The following MAP3K5 variants were observed in gnomAD, a reference collection of about 807,000 sequenced individuals.
The protein encoded by MAP3K5 is ASK-1.
In MAP3K5, 56 loss-of-function variants were observed where a neutral mutation model predicts 158.7. That is an observed-to-expected ratio of 0.35 (90% CI 0.28 to 0.44). MAP3K5 has a LOEUF of 0.44. Ranked by LOEUF, MAP3K5 falls within the 20% of genes least tolerant of loss-of-function variation. The probability of loss-of-function intolerance (pLI) is 1.00; values close to 1 mark genes in which losing one functional copy is unlikely to be tolerated. For synonymous variants in MAP3K5, 579 were observed against 601.7 expected (o/e 0.96, Z 0.55); for missense variants, 1,294 against 1,674.8 (o/e 0.77, Z 3.97).
intron 1 of MAP3K5, among the ~76,000 whole-genome samples, chr6:136,745,841 T>C (rs1299669754): frequency 6.6e-6 from 1 of 152,210 alleles, no homozygotes; most frequent in Non-Finnish European, 1.5e-5. Context: ...TTAATCTAGA[T>C]AATTCCGAGG....
chr6:136,650,805 A>C (rs535947152), intron 11 of MAP3K5, among the ~76,000 whole-genome samples, 179 bp downstream of exon 11: 12 of 152,348 alleles, frequency 7.9e-5, no homozygotes, highest in African/African-American at 2.4e-4. Context: ...AATACTGATA[A>C]AAATTCATAA....
intron 11 of MAP3K5, among the ~76,000 whole-genome samples, chr6:136,644,563 C>T (rs1778152863): frequency 6.6e-6 from 1 of 152,248 alleles, no homozygotes. Flanking sequence ...GAAGTTAATA[C>T]TGTATTGACT....
At chr6:136,671,203 G>T (rs1173915492) in intron 7 of MAP3K5, among the ~76,000 whole-genome samples, 1 of 152,122 alleles carries the variant, frequency 6.6e-6, no homozygotes, top group African/African-American at 2.4e-5. Context: ...TGAAAAGGAA[G>T]ATGCAAAAAT....
At chr6:136,669,718 T>A (rs1779392473) in intron 7 of MAP3K5, among the ~76,000 whole-genome samples, 1 of 152,096 alleles carries the variant, frequency 6.6e-6, no homozygotes, top group South Asian at 2.1e-4. Flanking sequence ...AGATGAAAAA[T>A]TACTCTAAAT....
chr6:136,593,005 G>A (rs1293517377), intron 21 of MAP3K5, among the ~76,000 whole-genome samples: 2 of 152,132 alleles, frequency 1.3e-5, no homozygotes, highest in African/African-American at 4.8e-5. Flanking sequence ...CTGTTCTTCA[G>A]GGGCTTAAGT....
chr6:136,714,423 A>T (rs1781436958), intron 2 of MAP3K5, among the ~76,000 whole-genome samples: 1 of 152,214 alleles, frequency 6.6e-6, no homozygotes, highest in Non-Finnish European at 1.5e-5. Context: ...TCTAAAGGAG[A>T]TTGAGTCCCT....
chr6:136,571,221 T>C (rs767303010), intron 25 of MAP3K5, among the ~76,000 whole-genome samples: 3 of 152,208 alleles, frequency 2.0e-5, no homozygotes, highest in Non-Finnish European at 2.9e-5. Context: ...AGAACTTTCT[T>C]TCTGTCACTC....
At position 136,567,800 on chromosome 6, in the gene MAP3K5, G is replaced by A; in HGVS notation, c.3592C>T (p.His1198Tyr). ...GTTTGATTTGAAGGCTGTTCCTCAT[G>A]GTCATCTTCTACATCCAAGTCTTCT... ...DQEDLDVEDD[H>Y]EEQPSNQTVR... The change falls in exon 26 of 30, where the codon CAT becomes TAT. Residue 1198 changes from histidine (H) to tyrosine (Y), a missense_variant. By Grantham distance (83) the His-to-Tyr change is moderately conservative (BLOSUM62 2). This residue lies in a region of MAP3K5 where 199 missense variants were observed against 220.3 expected (regional missense o/e 0.90). Transcript: ENST00000359015. The A allele has an allele frequency of 1.9e-6, 3 of 1,613,994 alleles. No individual in the cohort carries two copies. The highest frequency in any genetic ancestry group is 2.5e-6 in the Non-Finnish European group (3 of 1,179,958).
At chr6:136,620,057 G>A (rs1562552830) in intron 15 of MAP3K5, among the ~76,000 whole-genome samples, 1 of 152,158 alleles carries the variant, frequency 6.6e-6, no homozygotes, top group Non-Finnish European at 1.5e-5. Context: ...ATCACTTGAG[G>A]GCAGGAGTTC....
chr6:136,778,849 C>T (rs535495746), intron 1 of MAP3K5, among the ~76,000 whole-genome samples: 1 of 152,242 alleles, frequency 6.6e-6, no homozygotes, highest in East Asian at 1.9e-4. Context: ...ATGCTATCTG[C>T]CTCATAAAGT....
intron 1 of MAP3K5, among the ~76,000 whole-genome samples, chr6:136,768,178 CA>C: frequency 6.6e-6 from 1 of 152,124 alleles, no homozygotes; most frequent in South Asian, 2.1e-4. Context: ...AACGAAAGCA[CA>C]AACAACAAAA....
At chr6:136,619,605 C>T (rs1209900132) in intron 15 of MAP3K5, among the ~76,000 whole-genome samples, 2 of 152,122 alleles carry the variant, frequency 1.3e-5, no homozygotes, top group Non-Finnish European at 2.9e-5. Context: ...ATTATCACTA[C>T]ATGATTTGAT....
intron 3 of MAP3K5, among the ~76,000 whole-genome samples, chr6:136,700,401 AG>A (rs1352739590): frequency 2.6e-5 from 4 of 152,174 alleles, no homozygotes; most frequent in Non-Finnish European, 4.4e-5. Flanking sequence ...AACCTGAGAA[AG>A]GGTAAGGCAT....
intron 1 of MAP3K5, among the ~76,000 whole-genome samples, chr6:136,766,865 A>G (rs1178418744): frequency 4.6e-5 from 7 of 152,092 alleles, no homozygotes; most frequent in South Asian, 4.1e-4. Context: ...ATTAATTTTT[A>G]TAAGTTTTTT....
chr6:136,792,496 G>T, upstream of MAP3K5: 1 of 572,658 alleles, frequency 1.7e-6, no homozygotes, highest in African/African-American at 2.0e-5. The surrounding 1 kb of genome is among the most constrained non-coding windows in gnomAD (Gnocchi z 5.7). Context: ...GCGCCGCGGT[G>T]CAGCTCAAGG....
At chr6:136,642,024 TA>T (rs1301629869) in intron 12 of MAP3K5, among the ~76,000 whole-genome samples, 14 of 106,170 alleles carry the variant, frequency 1.3e-4, no homozygotes, top group African/African-American at 6.1e-4. Context: ...ATAAATAAAA[TA>T]AAATAAAAAT....
At chr6:136,611,107 C>CAAAAAAAAAAAAAAAA (rs59508317) in intron 18 of MAP3K5, among the ~76,000 whole-genome samples, 175 bp downstream of exon 18, 4 of 24,452 alleles carry the variant, frequency 1.6e-4, no homozygotes, top group East Asian at 1.2e-3. Flanking sequence ...GACCCTGTCT[C>CAAAAAAAAAAAAAAAA]AAAAAAAAAA....
At chr6:136,656,200 T>C in intron 10 of MAP3K5, 107 bp downstream of exon 10, 2 of 854,356 alleles carry the variant, frequency 2.3e-6, no homozygotes, top group Non-Finnish European at 3.9e-6. Context: ...ACCAGATGAC[T>C]GCAGTTTTAA....
chr6:136,762,755 C>G (rs918016150), intron 1 of MAP3K5, among the ~76,000 whole-genome samples: 3 of 152,118 alleles, frequency 2.0e-5, no homozygotes, highest in African/African-American at 7.2e-5. Flanking sequence ...GTCCACAAAC[C>G]ACATGCCAAT....
Sources: allele counts gnomAD v4.1 joint callset (sites outside exome capture counted in the v4.1 genomes callset), GRCh38; gene constraint gnomAD v4.1.1; regional missense constraint gnomAD v4.1.1; non-coding constraint Gnocchi (gnomAD v3.1); transcripts MANE v1.5; gene names NCBI Gene and HGNC (gene_info 2026-07-23, HGNC 2026-07-21).